RCBTB2: variants seen among roughly 807,000 people sequenced by gnomAD.
The protein encoded by RCBTB2 is RCC1 and BTB domain-containing protein 2.
A neutral mutation model predicts 65.4 loss-of-function variants in RCBTB2; 55 were observed. The ratio of observed to expected loss-of-function variants is 0.84; its 90% confidence interval spans 0.68 to 1.05. The LOEUF (loss-of-function observed/expected upper bound fraction) is 1.05. Ranked by LOEUF, RCBTB2 falls within the 50% of genes least tolerant of loss-of-function variation. The pLI, the probability that RCBTB2 is intolerant of heterozygous loss-of-function variation, is 0.00. For missense variants in RCBTB2, 599 were observed against 680.1 expected, an observed-to-expected ratio of 0.88 and a Z score of 1.33; for synonymous variants, 220 against 255.2, an observed-to-expected ratio of 0.86 and a Z score of 1.31.
upstream of RCBTB2, among the ~76,000 whole-genome samples, chr13:48,535,245 T>C (rs979273911): frequency 4.6e-5 from 7 of 151,366 alleles, no homozygotes; most frequent in Admixed American, 4.6e-4. Flanking sequence ...CCCCTCCTCC[T>C]ATTCATCCTC....
At chr13:48,498,013 G>C (rs1950054093) in intron 13 of RCBTB2, among the ~76,000 whole-genome samples, 1 of 152,228 alleles carries the variant, frequency 6.6e-6, no homozygotes, top group Middle Eastern at 3.2e-3. Flanking sequence ...TGGGTACCTG[G>C]GAACCTGGGA....
intron 2 of RCBTB2, among the ~76,000 whole-genome samples, chr13:48,522,669 AAAAT>A (rs1374551670): frequency 6.6e-6 from 1 of 152,204 alleles, no homozygotes; most frequent in African/African-American, 2.4e-5. Context: ...TTCATCATTA[AAAAT>A]AAATAAAAAT....
At chr13:48,511,922 C>T in intron 8 of RCBTB2, 45 bp from the exon 9 acceptor site, 1 of 1,610,748 alleles carries the variant, frequency 6.2e-7, no homozygotes. Context: ...GACAAATGGC[C>T]AGCAAGCTGT....
chr13:48,508,565 A>G lies in RCBTB2; in HGVS notation c.926+2064T>C, dbSNP rs1031437408. Among the ~76,000 whole-genome samples the G allele has an allele frequency of 2.0e-5, 3 of 152,070 alleles. 1 individual carries two copies. The highest frequency in any genetic ancestry group is 4.1e-4 in the South Asian group (2 of 4,828). ...ATTACAGGCATGTGCCACTGTGCCCAGCTAATTTTTATATTTTTAGTAGAG... is the reference window on the plus strand; with the variant it reads ...ATTACAGGCATGTGCCACTGTGCCCGGCTAATTTTTATATTTTTAGTAGAG... On this transcript the variant is annotated intron_variant, in intron 10 of 14. Transcript: ENST00000344532.
At chr13:48,506,022 T>A (rs1434424787) in intron 10 of RCBTB2, among the ~76,000 whole-genome samples, 27 of 152,146 alleles carry the variant, frequency 1.8e-4, no homozygotes, top group Admixed American at 1.5e-3. Flanking sequence ...TGACTACAAG[T>A]CTCCAGTGAG....
At position 48,524,640 on chromosome 13, in the gene RCBTB2, C is replaced by T. The variant is rs9331952; in HGVS notation, c.-120+19G>A. 5 of 152,144 alleles carry T rather than the reference C, an allele frequency of 3.3e-5. No individual in the cohort carries two copies. Among genetic ancestry groups the T allele is most frequent in the African/African-American group, 1.2e-4 (5 of 41,434 alleles). 9.4% of individuals were successfully genotyped at this position (152,144 alleles called of 1,614,324 possible). ...TTATACTGACTGGCTGGGAGCATTC[C>T]CTCCAAAAACTTTTGTACCTGATTG... On this transcript the variant is annotated intron_variant, in intron 2 of 14. Coordinates refer to ENST00000344532, the MANE Select transcript of RCBTB2 (RefSeq NM_001268.4).
chr13:48,530,087 CAG>C (rs947416341), intron 1 of RCBTB2, among the ~76,000 whole-genome samples: 15 of 151,880 alleles, frequency 9.9e-5, no homozygotes, highest in Admixed American at 9.8e-4. Context: ...TCTGTAGAGA[CAG>C]AGTTTTGCCA....
At chr13:48,494,261 G>A (rs935573173) in intron 14 of RCBTB2, among the ~76,000 whole-genome samples, 9 of 152,304 alleles carry the variant, frequency 5.9e-5, no homozygotes, top group African/African-American at 2.2e-4. Flanking sequence ...ATAATTTGCT[G>A]AAAGAGCCCA....
In RCBTB2 at chr13:48,515,577, C is replaced by T; in HGVS notation, c.198+9G>A. 2 of 1,580,604 alleles carry T rather than the reference C, an allele frequency of 1.3e-6. No individual in the cohort carries two copies. The highest frequency in any genetic ancestry group is 1.7e-6 in the Non-Finnish European group (2 of 1,167,190). ...ATGTGAGTAGCTGATTTATTTTCTT[C>T]AAAATTACCTCATCATTTACTGTAG... On this transcript the variant is annotated intron_variant, in intron 5 of 14. Coordinates refer to ENST00000344532, the MANE Select transcript of RCBTB2 (RefSeq NM_001268.4).
intron 1 of RCBTB2, among the ~76,000 whole-genome samples, chr13:48,525,192 A>G (rs1421152758): frequency 2.6e-5 from 4 of 151,726 alleles, no homozygotes; most frequent in African/African-American, 4.8e-5. Flanking sequence ...AGCATAAAAC[A>G]CAAAGAAAAG....
At chr13:48,511,944 G>A in intron 8 of RCBTB2, 67 bp from the exon 9 acceptor site, 1 of 1,603,922 alleles carries the variant, frequency 6.2e-7, no homozygotes, top group Non-Finnish European at 8.5e-7. Context: ...TGTTATGTGG[G>A]ACATACCATA....
At chr13:48,511,657 C>T (rs1478204456) in intron 9 of RCBTB2, 113 bp downstream of exon 9, 9 of 853,704 alleles carry the variant, frequency 1.1e-5, no homozygotes, top group Non-Finnish European at 1.6e-5. Flanking sequence ...TTAATGAAGA[C>T]ATCCAAGCAG....
chr13:48,499,142 A>ACACACACACACACT (rs1366425462), intron 13 of RCBTB2, among the ~76,000 whole-genome samples: 40 of 132,376 alleles, frequency 3.0e-4, no homozygotes, highest in African/African-American at 7.3e-4. Context: ...ACACACACAC[A>ACACACACACACACT]CTCTCTCTCT....
At position 48,499,717 on chromosome 13, in the gene RCBTB2, T is replaced by G. The variant is rs748614214; in HGVS notation, c.1288A>C (p.Ile430Leu). ...RSSLEDNEDD[I>L]VEMSEFSYPV... is the part of the protein sequence containing the mutation. ...TATGAAAATTCACTCATTTCTACAA[T>G]ATCATCCTCGTTATCTTCCAATGAC... The change falls in exon 13 of 15, where the codon ATT becomes CTT. Residue 430 changes from isoleucine to leucine, a missense_variant. Ile to Leu is a conservative substitution (Grantham distance 5). Coordinates refer to ENST00000344532, the MANE Select transcript of RCBTB2 (RefSeq NM_001268.4). 1 of 1,614,196 alleles carries G rather than the reference T, an allele frequency of 6.2e-7. No individual in the cohort carries two copies. The highest frequency in any genetic ancestry group is 8.5e-7 in the Non-Finnish European group (1 of 1,180,012).
rs535552503 is a variant in RCBTB2, at chr13:48,509,644, T to A, written c.926+985A>T. On this transcript the variant is annotated intron_variant, in intron 10 of 14. Transcript: ENST00000344532. The stretch of plus-strand genomic sequence containing the variant: ...TTGGAGAAAAAAGTTTTATTTAACC[T>A]ATAAAATTAACCTATGTTAAATTGG... Among the ~76,000 whole-genome samples, 11 of 152,288 alleles carry A rather than the reference T, an allele frequency of 7.2e-5. No homozygotes were observed. In the East Asian group the frequency reaches 9.7e-4, roughly 13 times the overall value.
intron 1 of RCBTB2, among the ~76,000 whole-genome samples, chr13:48,527,256 C>T (rs1228193291): frequency 1.4e-5 from 2 of 146,338 alleles, no homozygotes; most frequent in East Asian, 3.9e-4. Flanking sequence ...ATCTTACTAT[C>T]TTACTATGTG....
intron 10 of RCBTB2, among the ~76,000 whole-genome samples, chr13:48,509,264 C>T (rs1411352072): frequency 6.6e-6 from 1 of 152,130 alleles, no homozygotes. Context: ...GAAGTCAAGA[C>T]TACAGTGAGC....
chr13:48,530,246 T>C (rs1952037372), intron 1 of RCBTB2, among the ~76,000 whole-genome samples: 1 of 152,162 alleles, frequency 6.6e-6, no homozygotes, highest in African/African-American at 2.4e-5. Context: ...AGTAGCAGTA[T>C]CTTGGGGCAT....
intron 4 of RCBTB2, 152 bp from the exon 5 acceptor site, chr13:48,515,893 TG>T: frequency 1.3e-6 from 1 of 793,410 alleles, no homozygotes; most frequent in East Asian, 2.8e-5. Flanking sequence ...GGATTGCCTC[TG>T]CCAGCTGCTT....
Sources: allele counts gnomAD v4.1 joint callset (sites outside exome capture counted in the v4.1 genomes callset), GRCh38; gene constraint gnomAD v4.1.1; transcripts MANE v1.5; gene names NCBI Gene and HGNC (gene_info 2026-07-23, HGNC 2026-07-21).